The following PPP2R5E variants were observed in gnomAD, a reference collection of about 807,000 sequenced individuals.
PPP2R5E encodes the protein serine/threonine-protein phosphatase 2A 56 kDa regulatory subunit epsilon isoform.
A neutral mutation model predicts 65.3 loss-of-function variants in PPP2R5E; 4 were observed. The observed-to-expected ratio is 0.06, with a 90% confidence interval of 0.03 to 0.14. The LOEUF (loss-of-function observed/expected upper bound fraction) is 0.14. Among genes scored for constraint, PPP2R5E ranks in the 10% least tolerant of loss-of-function variants. The pLI is 1.00. For missense variants in PPP2R5E, 274 were observed against 556.1 expected (o/e 0.49, Z 5.10); for synonymous variants, 183 against 187.4 (o/e 0.98, Z 0.19).
rs142429653 is a variant in PPP2R5E at position 63,532,738 on chromosome 14, G to A, written c.157+6791C>T. 8.6e-4 allele frequency among the ~76,000 whole-genome samples: 131 copies of A among 152,346 alleles called. 1 individual carries two copies. The highest frequency in any genetic ancestry group is 3.4e-3 in the Middle Eastern group (1 of 294). On this transcript the variant is annotated intron_variant, in intron 2 of 13. Coordinates refer to ENST00000337537, the MANE Select transcript of PPP2R5E (RefSeq NM_006246.5). ...GCATTTGTCCAAGGCAACCCAGCTAGTGGTAAGCTAGGACTCTTGAGGACC... is the reference window on the plus strand; with the variant it reads ...GCATTTGTCCAAGGCAACCCAGCTAATGGTAAGCTAGGACTCTTGAGGACC...
chr14:63,496,159 G>A (rs540545263), intron 2 of PPP2R5E, among the ~76,000 whole-genome samples: 1 of 152,210 alleles, frequency 6.6e-6, no homozygotes, highest in East Asian at 1.9e-4. Context: ...ATGTATTGGT[G>A]TTCACCGTTT....
At chr14:63,452,012 G>A (rs917612697) in intron 3 of PPP2R5E, 7 of 152,106 alleles carry the variant, frequency 4.6e-5, no homozygotes, top group Non-Finnish European at 8.8e-5. Flanking sequence ...TAAATATTAT[G>A]CAGCTATAAA....
intron 2 of PPP2R5E, among the ~76,000 whole-genome samples, chr14:63,535,341 G>C (rs1174210652): frequency 1.3e-5 from 2 of 151,948 alleles, no homozygotes; most frequent in African/African-American, 4.8e-5. Context: ...AGAATCACTT[G>C]AACCAAGAGG....
intron 4 of PPP2R5E, among the ~76,000 whole-genome samples, chr14:63,418,487 G>A (rs1361888420): frequency 6.6e-6 from 1 of 152,192 alleles, no homozygotes; most frequent in Non-Finnish European, 1.5e-5. Flanking sequence ...TCTCCCTTAA[G>A]TTTCTAAAGA....
chr14:63,426,882 G>T (rs772393207), intron 3 of PPP2R5E, among the ~76,000 whole-genome samples: 24 of 152,072 alleles, frequency 1.6e-4, no homozygotes, highest in Admixed American at 3.9e-4. Context: ...GGGAGGAAGC[G>T]GGGAGGCGTG....
chr14:63,379,825 TC>T (rs1884213339), intron 13 of PPP2R5E, among the ~76,000 whole-genome samples: 1 of 120,608 alleles, frequency 8.3e-6, no homozygotes, highest in African/African-American at 4.9e-5. Context: ...ATATTCTCTC[TC>T]TTTTTTTTTT....
At chr14:63,421,421 C>T (rs901598382) in intron 4 of PPP2R5E, among the ~76,000 whole-genome samples, 3 of 152,176 alleles carry the variant, frequency 2.0e-5, no homozygotes, top group Non-Finnish European at 4.4e-5. Context: ...CTGATCCATC[C>T]TGGCACATAA....
intron 2 of PPP2R5E, among the ~76,000 whole-genome samples, chr14:63,507,739 G>A (rs565867478): frequency 2.0e-5 from 3 of 148,570 alleles, no homozygotes; most frequent in Non-Finnish European, 4.5e-5. Flanking sequence ...GCCACCACTC[G>A]GCCAATTTTT....
chr14:63,438,140 T>G (rs1888033336), intron 3 of PPP2R5E, among the ~76,000 whole-genome samples: 1 of 152,240 alleles, frequency 6.6e-6, no homozygotes, highest in Non-Finnish European at 1.5e-5. Flanking sequence ...ACCTGCTCAT[T>G]GTCTGCTTGC....
At chr14:63,458,967 G>GT (rs1201217417) in intron 2 of PPP2R5E, among the ~76,000 whole-genome samples, 1 of 152,084 alleles carries the variant, frequency 6.6e-6, no homozygotes, top group African/African-American at 2.4e-5. Flanking sequence ...AATGAGAATA[G>GT]TAAGTATGGC....
At chr14:63,393,799 A>G in intron 8 of PPP2R5E, 21 bp downstream of exon 8, 1 of 1,430,240 alleles carries the variant, frequency 7.0e-7, no homozygotes, top group Non-Finnish European at 9.7e-7. Context: ...TTCTAAAAGT[A>G]GTTGTACAAA....
chr14:63,434,070 GT>G (rs1402116554), intron 3 of PPP2R5E, among the ~76,000 whole-genome samples: 2 of 152,252 alleles, frequency 1.3e-5, no homozygotes, highest in Non-Finnish European at 2.9e-5. Flanking sequence ...GGGAATAAAA[GT>G]AAACATATGC....
chr14:63,434,910 G>A (rs1887878986), intron 3 of PPP2R5E, among the ~76,000 whole-genome samples: 1 of 152,176 alleles, frequency 6.6e-6, no homozygotes, highest in Admixed American at 6.5e-5. Flanking sequence ...TTTGGAAACT[G>A]TTTAAATATC....
chr14:63,527,857 C>G (rs949922965), intron 2 of PPP2R5E, among the ~76,000 whole-genome samples: 1 of 151,942 alleles, frequency 6.6e-6, no homozygotes, highest in African/African-American at 2.4e-5. Context: ...ATTGCTTGAA[C>G]CCGGGAGGTG....
chr14:63,420,578 C>T (rs920232963), intron 4 of PPP2R5E, among the ~76,000 whole-genome samples: 10 of 152,170 alleles, frequency 6.6e-5, no homozygotes, highest in Admixed American at 5.2e-4. Context: ...ACAGAGCCCC[C>T]AAAAGCTCTC....
rs1893990958 is a variant in PPP2R5E at position 63,543,343 on chromosome 14, C to T, written c.-572G>A. Reference sequence around the variant, plus strand: ...TGTCAATATCACCGGGCGGCTGAGTCCATGGCACACGCGCAACCGAACCTT... The same window carrying T: ...TGTCAATATCACCGGGCGGCTGAGTTCATGGCACACGCGCAACCGAACCTT... On this transcript the variant is annotated 5_prime_UTR_variant, in exon 1 of 14. Transcript: ENST00000337537. 6.5e-6 allele frequency: 1 copy of T among 152,964 alleles called. No homozygotes were observed. Among genetic ancestry groups the T allele is most frequent in the South Asian group, 2.1e-4 (1 of 4,846 alleles). The allele number at this position is 152,964 out of a possible 1,614,324, so 9.5% of individuals were successfully genotyped here. A position where few individuals can be genotyped will look rare whatever the true frequency, so the allele number is the denominator to read the frequency against.
intron 2 of PPP2R5E, among the ~76,000 whole-genome samples, chr14:63,470,593 CA>C (rs1890066647): frequency 6.6e-6 from 1 of 150,608 alleles, no homozygotes; most frequent in African/African-American, 2.5e-5. Flanking sequence ...GTGACAATAA[CA>C]AAATGGCTTC....
intron 2 of PPP2R5E, among the ~76,000 whole-genome samples, chr14:63,466,124 T>G (rs554416716): frequency 6.6e-6 from 1 of 152,302 alleles, no homozygotes; most frequent in East Asian, 1.9e-4. Flanking sequence ...CTATGTATTT[T>G]CCATTTGTTT....
intron 2 of PPP2R5E, among the ~76,000 whole-genome samples, chr14:63,506,846 A>G (rs773897721): frequency 6.6e-6 from 1 of 152,238 alleles, no homozygotes; most frequent in Non-Finnish European, 1.5e-5. Context: ...TTGTACATGA[A>G]TGTTCATAAC....
Sources: gnomAD v4.1 joint callset for allele counts (sites outside exome capture counted in the v4.1 genomes callset) on GRCh38, gnomAD v4.1.1 for gene constraint, MANE v1.5 for transcripts, NCBI Gene and HGNC (gene_info 2026-07-23, HGNC 2026-07-21) for gene names.